MYO6: variants seen among roughly 807,000 people sequenced by gnomAD.
The protein encoded by MYO6 is myosin VI, also known as unconventional myosin-VI.
A neutral mutation model predicts 178.7 loss-of-function variants in MYO6; 74 were observed. The ratio of observed to expected loss-of-function variants is 0.41; its 90% CI spans 0.34 to 0.50. The LOEUF is 0.50. MYO6 is among the 20% of genes least tolerant of loss of function. The pLI is 0.09. For missense variants in MYO6, 1,330 were observed against 1,547.4 expected (o/e 0.86, Z 2.36); for synonymous variants, 477 against 504.6 (o/e 0.95, Z 0.73).
intron 20 of MYO6, among the ~76,000 whole-genome samples, chr6:75,877,950 T>C (rs1777692498): frequency 6.6e-6 from 1 of 152,210 alleles, no homozygotes; most frequent in Admixed American, 6.5e-5. Flanking sequence ...TGCATACATT[T>C]CCAAAGGTAC....
Position 75,911,714 on chromosome 6 carries a change from G to A in MYO6, c.3439+16G>A, listed in dbSNP as rs1381838471. The A allele has an allele frequency of 1.9e-6, 3 of 1,609,172 alleles. No individual in the cohort carries two copies. Among genetic ancestry groups the A allele is most frequent in the Non-Finnish European group, 2.6e-6 (3 of 1,175,942 alleles). On this transcript the variant is annotated intron_variant, in intron 33 of 34. Transcript: ENST00000369977. ...AACAATTCACGTAAGTCAATGGGTG[G>A]TAACTCATGAGCTAACTGGAAGATG...
chr6:75,757,972 C>CTTTTTTTT lies in MYO6; in HGVS notation c.-48+8565_-48+8572dup, dbSNP rs71002761. On this transcript the variant is annotated intron_variant, in intron 1 of 34. Transcript: ENST00000369977. ...GATTTGGTTGGAATCTTGAAGTTGG[C>CTTTTTTTT]TTTTTTTTTTTTTTTTTTTTTTTGA... 9.7e-4 allele frequency among the ~76,000 whole-genome samples: 72 copies of CTTTTTTTT among 74,300 alleles called. 3 individuals carry two copies. The highest frequency in any genetic ancestry group is 3.2e-3 in the South Asian group (5 of 1,560). The allele number at this position is 74,300 out of a possible 152,430, so 48.7% of individuals were successfully genotyped here.
intron 14 of MYO6, among the ~76,000 whole-genome samples, chr6:75,860,420 C>T (rs1776105287): frequency 6.6e-6 from 1 of 152,190 alleles, no homozygotes; most frequent in Non-Finnish European, 1.5e-5. Context: ...CTAATCCTTC[C>T]CTTCTACACC....
At chr6:75,809,814 G>A (rs1460219073) in intron 1 of MYO6, among the ~76,000 whole-genome samples, 4 of 150,786 alleles carry the variant, frequency 2.7e-5, no homozygotes, top group Non-Finnish European at 4.4e-5. Context: ...TGTAATCCCA[G>A]CACTTTGGGA....
chr6:75,758,523 C>CA (rs1777667657), intron 1 of MYO6, among the ~76,000 whole-genome samples: 1 of 151,696 alleles, frequency 6.6e-6, no homozygotes, highest in African/African-American at 2.4e-5. Context: ...TGCAGTGTTG[C>CA]CATCTCAGCT....
At position 75,825,965 on chromosome 6, in the gene MYO6, G is replaced by A. The variant is rs930709978; in HGVS notation, c.188-2575G>A. On this transcript the variant is annotated intron_variant, in intron 3 of 34. Transcript: ENST00000369977. Reference sequence around the variant, plus strand: ...TTTCAAAATTTTAATATTCTTTTGGGTATAGTTAAATCTGTTAATAATTAG... The same window carrying A: ...TTTCAAAATTTTAATATTCTTTTGGATATAGTTAAATCTGTTAATAATTAG... Among the ~76,000 whole-genome samples, 4 of 152,136 alleles carry A rather than the reference G, an allele frequency of 2.6e-5. No homozygotes were observed. In the East Asian group the frequency reaches 7.7e-4, roughly 29 times the overall value.
intron 20 of MYO6, 125 bp downstream of exon 20, chr6:75,873,425 T>G: frequency 1.2e-6 from 1 of 830,200 alleles, no homozygotes. Context: ...AATTTTCATC[T>G]TATATTTTCT....
intron 1 of MYO6, among the ~76,000 whole-genome samples, chr6:75,802,066 A>G (rs115740310): frequency 1.2e-4 from 19 of 152,360 alleles, no homozygotes; most frequent in African/African-American, 4.1e-4. Flanking sequence ...ATTTCAGTGA[A>G]AATTTCCAAT....
rs547429088 is a variant in MYO6 at position 75,900,805 on chromosome 6, G to T, written c.3176+2394G>T. On this transcript the variant is annotated intron_variant, in intron 30 of 34. Transcript: ENST00000369977. Reference sequence around the variant, plus strand: ...TTGGTGTTTTAGACATGAAGTCCTTGCCCATGCCTATGTCCTGAATGGTAA... The same window carrying T: ...TTGGTGTTTTAGACATGAAGTCCTTTCCCATGCCTATGTCCTGAATGGTAA... 1.3e-4 allele frequency among the ~76,000 whole-genome samples: 20 copies of T among 151,314 alleles called. No individual in the cohort carries two copies. In the South Asian group the frequency reaches 4.0e-3, roughly 30 times the overall value.
At chr6:75,783,300 C>CT (rs1316061628) in intron 1 of MYO6, among the ~76,000 whole-genome samples, 1 of 152,114 alleles carries the variant, frequency 6.6e-6, no homozygotes, top group African/African-American at 2.4e-5. Flanking sequence ...GGGAAATAGC[C>CT]TATAGGCACA....
intron 1 of MYO6, among the ~76,000 whole-genome samples, chr6:75,758,206 G>T (rs1185450285): frequency 6.6e-6 from 1 of 151,844 alleles, no homozygotes; most frequent in East Asian, 1.9e-4. Flanking sequence ...TTTGATTTAT[G>T]TGCAAACTGG....
At chr6:75,903,547 A>ACCCCT (rs1482033942) in intron 30 of MYO6, among the ~76,000 whole-genome samples, 2 of 151,186 alleles carry the variant, frequency 1.3e-5, no homozygotes, top group African/African-American at 4.9e-5. Flanking sequence ...TAGGATTGCA[A>ACCCCT]CCCCTGCCTT....
intron 1 of MYO6, among the ~76,000 whole-genome samples, chr6:75,791,101 T>G (rs1215999689): frequency 2.0e-5 from 3 of 152,018 alleles, no homozygotes; most frequent in African/African-American, 7.2e-5. Context: ...CCTGGCTAGT[T>G]TTTTGTATTT....
rs1371758048 is a variant in MYO6 at position 75,830,326 on chromosome 6, T to G, written c.262-90T>G. 16 of 1,274,602 alleles carry G rather than the reference T, an allele frequency of 1.3e-5. No homozygotes were observed. In the East Asian group the frequency reaches 3.9e-4, roughly 31 times the overall value. The allele number at this position is 1,274,602 out of a possible 1,614,324, so 79.0% of individuals were successfully genotyped here. ...TCTTAGTTATATAGATAATTGAAAT[T>G]TTTTGTATTTTATTTTTTCTATGAG... On this transcript the variant is annotated intron_variant, in intron 4 of 34. Coordinates refer to ENST00000369977, the MANE Select transcript of MYO6 (RefSeq NM_004999.4).
intron 1 of MYO6, among the ~76,000 whole-genome samples, chr6:75,759,412 G>GAAAT (rs1479565573): frequency 2.6e-5 from 4 of 152,138 alleles, no homozygotes; most frequent in African/African-American, 7.2e-5. Flanking sequence ...TAGTTCTCCA[G>GAAAT]AAATTACCAG....
At chr6:75,859,157 G>A (rs943616339) in intron 14 of MYO6, among the ~76,000 whole-genome samples, 164 bp downstream of exon 14, 2 of 152,266 alleles carry the variant, frequency 1.3e-5, no homozygotes, top group South Asian at 4.1e-4. Flanking sequence ...GCTCAGGCAC[G>A]TCAGAAGTGT....
chr6:75,867,183 G>T (rs1776772013), intron 18 of MYO6, 78 bp downstream of exon 18: 1 of 1,196,584 alleles, frequency 8.4e-7, no homozygotes, highest in Non-Finnish European at 1.2e-6. Context: ...GGATAATGTA[G>T]ATCACTGTCA....
At chr6:75,815,129 G>A (rs1771089426) in intron 1 of MYO6, among the ~76,000 whole-genome samples, 1 of 152,168 alleles carries the variant, frequency 6.6e-6, no homozygotes, top group Non-Finnish European at 1.5e-5. Context: ...AGAAGTCCTG[G>A]TAAAAGATGA....
chr6:75,859,685 T>TTGG (rs1776030282), intron 14 of MYO6, among the ~76,000 whole-genome samples: 1 of 146,194 alleles, frequency 6.8e-6, no homozygotes, highest in Non-Finnish European at 1.5e-5. Flanking sequence ...TTTTTTTTTT[T>TTGG]GAGACGAAGT....
Sources: allele counts gnomAD v4.1 joint callset (sites outside exome capture counted in the v4.1 genomes callset), GRCh38; gene constraint gnomAD v4.1.1; transcripts MANE v1.5; gene names NCBI Gene and HGNC (gene_info 2026-07-23, HGNC 2026-07-21).